PCDHAC1: variants seen among roughly 807,000 people sequenced by gnomAD.
PCDHAC1 encodes the protein protocadherin alpha subfamily C, 1.
A neutral mutation model predicts 60.0 loss-of-function variants in PCDHAC1; 42 were observed. That is an observed-to-expected ratio of 0.70 (90% confidence interval 0.55 to 0.90). The LOEUF (loss-of-function observed/expected upper bound fraction) is 0.90. Ranked by LOEUF, PCDHAC1 falls within the 40% of genes least tolerant of loss-of-function variation. The pLI, the probability that PCDHAC1 is intolerant of heterozygous loss-of-function variation, is 0.00. For missense variants in PCDHAC1, 1,160 were observed against 1,222.3 expected, an observed-to-expected ratio of 0.95 and a Z score of 0.76; for synonymous variants, 468 against 499.3, an observed-to-expected ratio of 0.94 and a Z score of 0.84.
At chr5:140,941,570 C>T (rs892912533) in intron 1 of PCDHAC1, among the ~76,000 whole-genome samples, 17 of 152,046 alleles carry the variant, frequency 1.1e-4, no homozygotes, top group African/African-American at 4.1e-4. Context: ...TCGCCTCAGC[C>T]TCCCAAAGTG....
At chr5:140,989,863 TTCTC>T (rs2097364159) in intron 3 of PCDHAC1, among the ~76,000 whole-genome samples, 1 of 151,988 alleles carries the variant, frequency 6.6e-6, no homozygotes, top group Non-Finnish European at 1.5e-5. Flanking sequence ...AGAGGAATCT[TTCTC>T]TGCCTCAGCA....
chr5:140,932,607 T>C (rs555006363), intron 1 of PCDHAC1, among the ~76,000 whole-genome samples: 8 of 152,052 alleles, frequency 5.3e-5, no homozygotes, highest in Non-Finnish European at 7.4e-5. Flanking sequence ...CTATTTTGAC[T>C]TTGAAGCTGA....
intron 3 of PCDHAC1, among the ~76,000 whole-genome samples, chr5:140,997,131 C>G (rs577407385): frequency 6.6e-6 from 1 of 152,008 alleles, no homozygotes; most frequent in Admixed American, 6.6e-5. Flanking sequence ...ACACAATGCC[C>G]CCACACCCCC....
chr5:140,976,037 T>C (rs1466922826), intron 1 of PCDHAC1, among the ~76,000 whole-genome samples: 1 of 152,200 alleles, frequency 6.6e-6, no homozygotes, highest in Non-Finnish European at 1.5e-5. Context: ...ATTTCAACTG[T>C]GATTGAAATT....
intron 1 of PCDHAC1, chr5:140,967,124 A>G (rs782387198): frequency 1.2e-6 from 2 of 1,612,200 alleles, no homozygotes; most frequent in South Asian, 2.2e-5. Context: ...CTGCCTGCTC[A>G]GCTTGGAAGT....
intron 3 of PCDHAC1, among the ~76,000 whole-genome samples, chr5:140,984,413 CAGAGAT>C (rs1244237847): frequency 1.3e-5 from 2 of 152,148 alleles, no homozygotes; most frequent in African/African-American, 4.8e-5. Context: ...ATCTTTTTTA[CAGAGAT>C]AGAGAAGGGG....
intron 1 of PCDHAC1, among the ~76,000 whole-genome samples, chr5:140,975,124 C>T (rs560299893): frequency 6.6e-6 from 1 of 152,268 alleles, no homozygotes; most frequent in African/African-American, 2.4e-5. Flanking sequence ...TTCCTACTTA[C>T]TATTGGCCTG....
At chr5:140,969,091 G>A (rs1554231442) in intron 1 of PCDHAC1, 3 of 1,614,152 alleles carry the variant, frequency 1.9e-6, no homozygotes, top group Admixed American at 1.7e-5. Context: ...TCAAAGTGCA[G>A]CCTCACTTCA....
At chr5:140,983,617 G>C (rs868994554) in intron 3 of PCDHAC1, among the ~76,000 whole-genome samples, 1 of 152,228 alleles carries the variant, frequency 6.6e-6, no homozygotes, top group Admixed American at 6.5e-5. Context: ...GAGGCAGAGA[G>C]ATTAAGAAAT....
chr5:140,931,147 A>G (rs1469532498), intron 1 of PCDHAC1, among the ~76,000 whole-genome samples: 1 of 152,206 alleles, frequency 6.6e-6, no homozygotes, highest in Non-Finnish European at 1.5e-5. Context: ...AGTGGATACT[A>G]TTTAATAGAA....
At chr5:140,990,022 G>C (rs891983888) in intron 3 of PCDHAC1, among the ~76,000 whole-genome samples, 1 of 152,156 alleles carries the variant, frequency 6.6e-6, no homozygotes, top group Non-Finnish European at 1.5e-5. Flanking sequence ...GCTAGGCAAA[G>C]GATGGGAGAA....
chr5:140,976,303 C>A (rs1458121600), intron 1 of PCDHAC1, among the ~76,000 whole-genome samples: 10 of 152,090 alleles, frequency 6.6e-5, no homozygotes, highest in Non-Finnish European at 1.3e-4. Flanking sequence ...GTAATCCCAG[C>A]ACTTTGGGAG....
intron 1 of PCDHAC1, among the ~76,000 whole-genome samples, chr5:140,944,359 T>C (rs1248806355): frequency 6.6e-6 from 1 of 152,092 alleles, no homozygotes; most frequent in African/African-American, 2.4e-5. Context: ...GGCTAATTTT[T>C]AATTTTTTAT....
chr5:140,983,308 T>C (rs2153831139), intron 3 of PCDHAC1, among the ~76,000 whole-genome samples: 1 of 152,322 alleles, frequency 6.6e-6, no homozygotes, highest in East Asian at 1.9e-4. Context: ...CACATTTGCT[T>C]GGTATCCTTA....
At chr5:140,967,268 C>T in intron 1 of PCDHAC1, 1 of 1,613,522 alleles carries the variant, frequency 6.2e-7, no homozygotes, top group Non-Finnish European at 8.5e-7. Context: ...AGCGCGCTTT[C>T]ACATAGAGAG....
At position 140,927,897 on chromosome 5, in the gene PCDHAC1, T is replaced by C. The variant is rs907878286; in HGVS notation, c.1005T>C (p.Asp335=). Reference sequence around the variant, plus strand: ...TGGTGGAGGTGACTGACGTGAACGATCATGCCCCCGAACTGGACTTCCTGA... The same window carrying C: ...TGGTGGAGGTGACTGACGTGAACGACCATGCCCCCGAACTGGACTTCCTGA... The part of the protein sequence containing the change: ...KLLVEVTDVN[D]HAPELDFLTL... The change falls in exon 1 of 4, where the codon GAT becomes GAC. Residue 335 remains aspartate, a synonymous_variant. Transcript: ENST00000253807. 1 of 1,614,086 alleles carries C rather than the reference T, an allele frequency of 6.2e-7. No homozygotes were observed. Among genetic ancestry groups the C allele is most frequent in the African/African-American group, 1.3e-5 (1 of 74,936 alleles).
rs782615304 is a variant in PCDHAC1 at position 140,928,551 on chromosome 5, G to A, written c.1659G>A (p.Pro553=). ...TGGTAGATAGGAATGACAATTATCCGGTTATCTTGTTTCCCTTGCCCAGAA... is the reference window on the plus strand; with the variant it reads ...TGGTAGATAGGAATGACAATTATCCAGTTATCTTGTTTCCCTTGCCCAGAA... ...LFVVDRNDNY[P]VILFPLPRNG... The change falls in exon 1 of 4, where the codon CCG becomes CCA. Residue 553 remains proline (P), a synonymous_variant. Coordinates refer to ENST00000253807, the MANE Select transcript of PCDHAC1 (RefSeq NM_018898.5). 4 of 1,614,044 alleles carry A rather than the reference G, an allele frequency of 2.5e-6. No homozygotes were observed. The highest frequency in any genetic ancestry group is 2.5e-6 in the Non-Finnish European group (3 of 1,180,034).
chr5:140,938,118 T>G (rs1554211986), intron 1 of PCDHAC1, among the ~76,000 whole-genome samples: 1 of 152,178 alleles, frequency 6.6e-6, no homozygotes. Context: ...TCTCTCTTTT[T>G]TTAAAAAAAT....
At chr5:140,941,624 T>A (rs2093131699) in intron 1 of PCDHAC1, among the ~76,000 whole-genome samples, 1 of 151,964 alleles carries the variant, frequency 6.6e-6, no homozygotes, top group Non-Finnish European at 1.5e-5. Flanking sequence ...CCATCCTGCT[T>A]CTTAATTTCT....
Sources: allele counts gnomAD v4.1 joint callset (sites outside exome capture counted in the v4.1 genomes callset), GRCh38; gene constraint gnomAD v4.1.1; transcripts MANE v1.5; gene names NCBI Gene and HGNC (gene_info 2026-07-23, HGNC 2026-07-21).